The following CDK13 variants were observed in gnomAD, a reference collection of about 807,000 sequenced individuals.
The protein encoded by CDK13 is cyclin dependent kinase 13, also known as cyclin-dependent kinase 13.
CDK13 carries 40 observed loss-of-function variants against 137.6 expected under a neutral mutation model. The observed-to-expected ratio is 0.29, with a 90% confidence interval of 0.23 to 0.38. CDK13 has a LOEUF of 0.38. Ranked by LOEUF, CDK13 falls within the 10% of genes least tolerant of loss-of-function variation. CDK13 has a pLI of 1.00. For missense variants in CDK13, 1,704 were observed against 1,951.8 expected (o/e 0.87, Z 2.39); for synonymous variants, 869 against 760.1 (o/e 1.14, Z -2.36).
At position 40,094,710 on chromosome 7, in the gene CDK13, G is replaced by A. The variant is rs1787007454; in HGVS notation, c.4269G>A (p.Lys1423=). 3.1e-6 allele frequency: 5 copies of A among 1,614,044 alleles called. No individual in the cohort carries two copies. The highest frequency in any genetic ancestry group is 3.4e-6 in the Non-Finnish European group (4 of 1,180,052). Residue 1423 remains lysine, a synonymous_variant, in exon 14 of 14, where the codon AAG becomes AAA. Transcript: ENST00000181839. Reference sequence around the variant, plus strand: ...GTCCCATGTTGTTTAGTGGAGACAAGGACCATAGATTTGAATATAGCCATG... The same window carrying A: ...GTCCCATGTTGTTTAGTGGAGACAAAGACCATAGATTTGAATATAGCCATG... The part of the protein sequence containing the change: ...NAGPMLFSGD[K]DHRFEYSHGP...
chr7:39,989,648 C>T (rs567419390), intron 2 of CDK13, among the ~76,000 whole-genome samples: 1 of 152,214 alleles, frequency 6.6e-6, no homozygotes, highest in South Asian at 2.1e-4. Context: ...TGACTGTTCT[C>T]AGGGAACGCT....
intron 5 of CDK13, among the ~76,000 whole-genome samples, chr7:40,016,802 C>T (rs1296845286): frequency 4.6e-5 from 7 of 152,036 alleles, no homozygotes; most frequent in African/African-American, 1.7e-4. Context: ...TTAAACGATA[C>T]AAACTTTTTA....
At chr7:40,031,860 T>TATTATC (rs1188729708) in intron 5 of CDK13, among the ~76,000 whole-genome samples, 2 of 145,182 alleles carry the variant, frequency 1.4e-5, no homozygotes, top group Non-Finnish European at 3.0e-5. Flanking sequence ...TTATTATTAT[T>TATTATC]ATTATTGGGA....
intron 1 of CDK13, among the ~76,000 whole-genome samples, chr7:39,979,442 C>T (rs1784179133): frequency 6.6e-6 from 1 of 152,142 alleles, no homozygotes; most frequent in African/African-American, 2.4e-5. Flanking sequence ...TCTCGAACTT[C>T]TGCCCTCAGG....
At chr7:39,976,323 T>TCTCTCTCTCTCTCTCTCTCC in intron 1 of CDK13, among the ~76,000 whole-genome samples, 2 of 39,550 alleles carry the variant, frequency 5.1e-5, no homozygotes, top group Non-Finnish European at 5.8e-5. Context: ...TCTCTCTCTC[T>TCTCTCTCTCTCTCTCTCTCC]CACACACACA....
At position 40,098,961 on chromosome 7, in the gene CDK13, T is replaced by G. The variant is rs151269321; in HGVS notation, c.*3981T>G. The G allele has an allele frequency of 7.9e-5, 12 of 152,226 alleles. No individual in the cohort carries two copies. The highest frequency in any genetic ancestry group is 1.5e-4 in the Non-Finnish European group (10 of 67,986). 9.4% of individuals were successfully genotyped at this position (152,226 alleles called of 1,614,324 possible). On this transcript the variant is annotated 3_prime_UTR_variant, in exon 14 of 14. Coordinates refer to ENST00000181839, the MANE Select transcript of CDK13 (RefSeq NM_003718.5). The stretch of plus-strand genomic sequence containing the variant: ...TTGAAAAGGCAAGTCCTGTATGTAT[T>G]TTTCATTTGTTGAAAGAAGATTGGT...
Position 39,976,323 on chromosome 7 carries a change from T to TCTCTCTCACACA in CDK13, c.1212-11275_1212-11274insTCTCTCACACAC. Among the ~76,000 whole-genome samples, 98 of 39,570 alleles carry TCTCTCTCACACA rather than the reference T, an allele frequency of 2.5e-3. 2 individuals are homozygous for TCTCTCTCACACA. Among genetic ancestry groups the TCTCTCTCACACA allele is most frequent in the African/African-American group, 3.2e-3 (47 of 14,612 alleles). 26.0% of individuals were successfully genotyped at this position (39,570 alleles called of 152,430 possible). On this transcript the variant is annotated intron_variant, in intron 1 of 13. Coordinates refer to ENST00000181839, the MANE Select transcript of CDK13 (RefSeq NM_003718.5). ...CTCTCTCTCTCTCTCTCTCTCTCTC[T>TCTCTCTCACACA]CACACACACACACACACACACACAC...
chr7:39,952,913 C>T (rs1321828701), intron 1 of CDK13: 3 of 152,076 alleles, frequency 2.0e-5, no homozygotes, highest in African/African-American at 7.2e-5. Context: ...AAACAACTTT[C>T]GAGTATTTTA....
At chr7:39,958,264 C>T (rs1787486281) in intron 1 of CDK13, among the ~76,000 whole-genome samples, 1 of 152,180 alleles carries the variant, frequency 6.6e-6, no homozygotes, top group South Asian at 2.1e-4. Flanking sequence ...GGGGCACTTT[C>T]ACTGGGATAT....
intron 1 of CDK13, among the ~76,000 whole-genome samples, chr7:39,971,162 G>C (rs1174432794): frequency 1.3e-5 from 2 of 152,186 alleles, no homozygotes; most frequent in Non-Finnish European, 2.9e-5. Context: ...TAAGCACCTA[G>C]TACAGCATTT....
chr7:40,056,463 C>T (rs891668409), intron 7 of CDK13, among the ~76,000 whole-genome samples: 2 of 152,114 alleles, frequency 1.3e-5, no homozygotes, highest in African/African-American at 2.4e-5. Flanking sequence ...TTTGCTCACC[C>T]GCCTCAGGGA....
At chr7:39,961,698 C>T (rs979230099) in intron 1 of CDK13, among the ~76,000 whole-genome samples, 1 of 151,202 alleles carries the variant, frequency 6.6e-6, no homozygotes, top group African/African-American at 2.4e-5. Context: ...AGGTTAGTTA[C>T]ATATGTATAC....
intron 5 of CDK13, among the ~76,000 whole-genome samples, chr7:40,018,168 A>T (rs985851338): frequency 1.3e-5 from 2 of 152,114 alleles, no homozygotes; most frequent in Non-Finnish European, 1.5e-5. Context: ...CATTGATGTT[A>T]GTGTGGGAGG....
intron 5 of CDK13, 193 bp downstream of exon 5, chr7:40,002,224 A>G: frequency 2.3e-6 from 1 of 435,608 alleles, no homozygotes; most frequent in Non-Finnish European, 4.0e-6. Context: ...AACTTCGTAA[A>G]GGGTATTTGC....
intron 6 of CDK13, among the ~76,000 whole-genome samples, chr7:40,046,414 C>T (rs188747587): frequency 2.5e-4 from 38 of 152,162 alleles, no homozygotes; most frequent in Admixed American, 5.9e-4. Context: ...GAAGTAGAGA[C>T]GGGCGGATCA....
chr7:39,970,483 C>T (rs1209983805), intron 1 of CDK13, among the ~76,000 whole-genome samples: 7 of 147,910 alleles, frequency 4.7e-5, no homozygotes, highest in East Asian at 3.9e-4. Context: ...TTTTTTGAGA[C>T]GGAGTCTTAC....
chr7:40,018,888 G>A (rs1583995515), intron 5 of CDK13, among the ~76,000 whole-genome samples: 1 of 151,742 alleles, frequency 6.6e-6, no homozygotes, highest in East Asian at 1.9e-4. Context: ...TATTAAAATT[G>A]AAAAAAAATT....
chr7:40,077,895 C>T (rs1786580877), intron 9 of CDK13, 110 bp from the exon 10 acceptor site: 2 of 538,916 alleles, frequency 3.7e-6, no homozygotes, highest in Non-Finnish European at 6.6e-6. Context: ...TTTTTATAGA[C>T]CAAGGCTTCA....
At chr7:40,086,809 C>CT (rs35337864) in intron 11 of CDK13, among the ~76,000 whole-genome samples, 21,461 of 122,480 alleles carry the variant, frequency 0.18, 2,518 homozygotes, top group East Asian at 0.39. Flanking sequence ...TAGCCTTACT[C>CT]TTTTTTTTTT....
Sources: gnomAD v4.1 joint callset for allele counts (sites outside exome capture counted in the v4.1 genomes callset) on GRCh38, gnomAD v4.1.1 for gene constraint, MANE v1.5 for transcripts, NCBI Gene and HGNC (gene_info 2026-07-23, HGNC 2026-07-21) for gene names.